The following PCNT variants were observed in gnomAD, a reference collection of about 807,000 sequenced individuals.
PCNT encodes the protein kendrin.
PCNT carries 319 observed loss-of-function variants against 380.4 expected under a neutral mutation model. The ratio of observed to expected loss-of-function variants is 0.84; its 90% confidence interval spans 0.77 to 0.92. The LOEUF is 0.92. PCNT is among the 40% of genes least tolerant of loss of function. The probability of loss-of-function intolerance (pLI) is 0.00; values close to 1 mark genes in which losing one functional copy is unlikely to be tolerated. For missense variants in PCNT, 4,400 were observed against 4,255.3 expected (o/e 1.03, Z -0.95); for synonymous variants, 1,845 against 1,735.2 (o/e 1.06, Z -1.57).
chr21:46,438,717 G>C (rs1436820575), intron 41 of PCNT, among the ~76,000 whole-genome samples: 1 of 146,054 alleles, frequency 6.8e-6, no homozygotes, highest in Non-Finnish European at 1.5e-5. Flanking sequence ...CTGTTGCCCA[G>C]GCTAGAGTGC....
At chr21:46,367,313 T>C (rs2146931446) in intron 15 of PCNT, among the ~76,000 whole-genome samples, 174 bp downstream of exon 15, 1 of 150,158 alleles carries the variant, frequency 6.7e-6, no homozygotes, top group East Asian at 2.0e-4. Context: ...AACTGGGCTT[T>C]TTTTTTTTTT....
intron 1 of PCNT, chr21:46,324,953 C>T (rs1327197066): frequency 2.8e-5 from 27 of 981,554 alleles, no homozygotes; most frequent in East Asian, 1.2e-4. Context: ...CTTCCCGCGC[C>T]CTTGGGCTCG....
chr21:46,359,478 C>CTTTTTTTTTTTTT (rs1439114322), intron 13 of PCNT, among the ~76,000 whole-genome samples: 7 of 72,634 alleles, frequency 9.6e-5, no homozygotes, highest in East Asian at 3.2e-4. Context: ...AAAAATACAC[C>CTTTTTTTTTTTTT]TGTTTTTTTT....
intron 31 of PCNT, among the ~76,000 whole-genome samples, chr21:46,419,446 CAGCCCTCCT>C (rs1180045065): frequency 2.0e-5 from 3 of 152,232 alleles, no homozygotes; most frequent in Admixed American, 1.3e-4. Flanking sequence ...GTGGCATCTT[CAGCCCTCCT>C]AGCCCCTCGC....
chr21:46,396,848 C>T (rs111638668), intron 21 of PCNT, among the ~76,000 whole-genome samples: 1 of 152,214 alleles, frequency 6.6e-6, no homozygotes, highest in East Asian at 1.9e-4. Flanking sequence ...AGTGATCCAC[C>T]CGCCTCGGCC....
In PCNT at chr21:46,349,780, A is replaced by T; in HGVS notation, c.1304A>T (p.Glu435Val). ...SEHGRCLEDL[E>V]FKFKESEKEK... is the part of the protein sequence containing the mutation. ...CACGGCCGGTGTTTAGAAGACTTGG[A>T]GTTCAAGTTCAAAGAGAGCGAGAAA... The change falls in exon 8 of 47, where the codon GAG becomes GTG. Residue 435 changes from glutamate (E) to valine (V), a missense_variant. Coordinates refer to ENST00000359568, the MANE Select transcript of PCNT (RefSeq NM_006031.6). The T allele has an allele frequency of 6.2e-7, 1 of 1,614,188 alleles. No homozygotes were observed. Among genetic ancestry groups the T allele is most frequent in the Non-Finnish European group, 8.5e-7 (1 of 1,180,014 alleles).
In PCNT at chr21:46,346,131, T is replaced by C; in HGVS notation, c.643T>C (p.Cys215Arg). The C allele has an allele frequency of 1.2e-6, 2 of 1,613,890 alleles. No homozygotes were observed. The highest frequency in any genetic ancestry group is 1.7e-6 in the Non-Finnish European group (2 of 1,179,896). The change falls in exon 4 of 47, where the codon TGT (cysteine) becomes CGT (arginine). Residue 215 changes from cysteine to arginine, a missense_variant. Coordinates refer to ENST00000359568, the MANE Select transcript of PCNT (RefSeq NM_006031.6). ...ATTCTTTGCCTTTTTTCCCCAGGAG[T>C]GTGAACAAGAATGTGAACTTGCCAT... Reference protein sequence around the residue: ...AEQRGMFTKECEQECELAITD... With the variant: ...AEQRGMFTKEREQECELAITD...
rs574472773 is a variant in PCNT, at chr21:46,391,683, G to A, written c.4216+307G>A. On this transcript the variant is annotated intron_variant, in intron 21 of 46. Coordinates refer to ENST00000359568, the MANE Select transcript of PCNT (RefSeq NM_006031.6). ...GCAGCAGCTGGAGGCAGAGCCGAGT[G>A]CGGCAAACAAGAGCTACTTTAAAAT... is the stretch of plus-strand genomic sequence containing the variant. 1.1e-4 allele frequency among the ~76,000 whole-genome samples: 17 copies of A among 152,330 alleles called. No individual in the cohort carries two copies. The South Asian group carries it at 3.1e-3, about 28-fold the overall frequency.
At chr21:46,408,878 C>T (rs1399881968) in intron 27 of PCNT, among the ~76,000 whole-genome samples, 1 of 151,640 alleles carries the variant, frequency 6.6e-6, no homozygotes, top group Admixed American at 6.6e-5. Context: ...GCCGCCACCA[C>T]ACCCAGCTAA....
chr21:46,428,226 G>T (rs760695434), intron 34 of PCNT, among the ~76,000 whole-genome samples, 169 bp from the exon 35 acceptor site: 13 of 152,224 alleles, frequency 8.5e-5, no homozygotes, highest in Non-Finnish European at 1.5e-4. Flanking sequence ...GTGCAGCCCA[G>T]CCCTGACGCC....
In PCNT at chr21:46,398,148, G is replaced by A; in HGVS notation, c.4563+18G>A. On this transcript the variant is annotated intron_variant, in intron 23 of 46. Coordinates refer to ENST00000359568, the MANE Select transcript of PCNT (RefSeq NM_006031.6). Reference sequence around the variant, plus strand: ...ACAGCCAGGTGAGTCAGTGCAGCGTGCAGTGCTGCTGGTTGCTGTCTTTCA... The same window carrying A: ...ACAGCCAGGTGAGTCAGTGCAGCGTACAGTGCTGCTGGTTGCTGTCTTTCA... 1 of 1,604,792 alleles carries A rather than the reference G, an allele frequency of 6.2e-7. No homozygotes were observed. The highest frequency in any genetic ancestry group is 8.5e-7 in the Non-Finnish European group (1 of 1,174,942).
At chr21:46,387,505 C>G (rs1488929490) in intron 17 of PCNT, among the ~76,000 whole-genome samples, 1 of 152,036 alleles carries the variant, frequency 6.6e-6, no homozygotes, top group Admixed American at 6.5e-5. Context: ...GGTCCCTGGA[C>G]ACTGGAGAGG....
chr21:46,382,356 C>A (rs1351481864), intron 16 of PCNT, among the ~76,000 whole-genome samples: 1 of 145,760 alleles, frequency 6.9e-6, no homozygotes, highest in Non-Finnish European at 1.5e-5. Flanking sequence ...GAAGCGCAAT[C>A]ACAGTGTTGT....
intron 40 of PCNT, among the ~76,000 whole-genome samples, chr21:46,437,886 A>G (rs547165101): frequency 1.2e-4 from 18 of 152,288 alleles, no homozygotes; most frequent in East Asian, 1.9e-4. Flanking sequence ...CCCCCTTGGG[A>G]TGAACTAACA....
chr21:46,327,833 C>T (rs1179901605), intron 2 of PCNT, among the ~76,000 whole-genome samples: 2 of 152,204 alleles, frequency 1.3e-5, no homozygotes, highest in Non-Finnish European at 2.9e-5. Flanking sequence ...TGGTGTGTTG[C>T]TGGAGGAGAC....
rs781083264 is a variant in PCNT at position 46,430,234 on chromosome 21, T to C, written c.7913+2T>C. On this transcript the variant is annotated splice_donor_variant, in intron 36 of 46. Coordinates refer to ENST00000359568, the MANE Select transcript of PCNT (RefSeq NM_006031.6). LOFTEE classifies it high-confidence loss of function. ...GCAGCAGGAGGTCCTCCAGCTGAGG[T>C]GCGCCTGATCCCCCTTCCTGGGACA... 9 of 1,610,984 alleles carry C rather than the reference T, an allele frequency of 5.6e-6. No individual in the cohort carries two copies. The highest frequency in any genetic ancestry group is 7.6e-6 in the Non-Finnish European group (9 of 1,178,380).
At chr21:46,357,728 C>T (rs1318667207) in intron 13 of PCNT, among the ~76,000 whole-genome samples, 3 of 152,176 alleles carry the variant, frequency 2.0e-5, no homozygotes, top group African/African-American at 7.2e-5. Flanking sequence ...CACGCCCGGC[C>T]CTCTGAGTCA....
intron 12 of PCNT, among the ~76,000 whole-genome samples, chr21:46,356,405 A>G (rs931612642): frequency 2.0e-5 from 3 of 152,156 alleles, no homozygotes; most frequent in African/African-American, 4.8e-5. Context: ...CCCCACAGCC[A>G]CCCCTTGATG....
In PCNT at chr21:46,427,715, C is replaced by CT; in HGVS notation, c.7415dup (p.Gln2473AlafsTer25). 6.2e-7 allele frequency: 1 copy of CT among 1,613,852 alleles called. No homozygotes were observed. Among genetic ancestry groups the CT allele is most frequent in the South Asian group, 1.1e-5 (1 of 91,086 alleles). On this transcript the variant is annotated frameshift_variant, in exon 34 of 47. Transcript: ENST00000359568. LOFTEE classifies it high-confidence loss of function. Reference sequence around the variant, plus strand: ...AGAGCAGGAGATGCAGGGGGTTGAGCTGCAGCCCCGACTCAGTGGCTCAGA... The same window carrying CT: ...AGAGCAGGAGATGCAGGGGGTTGAGCTTGCAGCCCCGACTCAGTGGCTCAGA...
Sources: allele counts gnomAD v4.1 joint callset (sites outside exome capture counted in the v4.1 genomes callset), GRCh38; gene constraint gnomAD v4.1.1; transcripts MANE v1.5; gene names NCBI Gene and HGNC (gene_info 2026-07-23, HGNC 2026-07-21).